PTPRN2: variants seen among roughly 807,000 people sequenced by gnomAD.
PTPRN2 encodes protein tyrosine phosphatase receptor type N2.
PTPRN2 carries 74 observed loss-of-function variants against 118.8 expected under a neutral mutation model. That is an observed-to-expected ratio of 0.62 (90% CI 0.52 to 0.76). The LOEUF (loss-of-function observed/expected upper bound fraction) is 0.76, where lower values mean the gene tolerates loss of function less well. Ranked by LOEUF, PTPRN2 falls within the 30% of genes least tolerant of loss-of-function variation. The probability of loss-of-function intolerance (pLI) is 0.00; values close to 1 mark genes in which losing one functional copy is unlikely to be tolerated. For synonymous variants in PTPRN2, 641 were observed against 608.0 expected (o/e 1.05, Z -0.80); for missense variants, 1,481 against 1,394.4 (o/e 1.06, Z -0.99).
chr7:158,292,288 G>A (rs1245503485), intron 3 of PTPRN2, among the ~76,000 whole-genome samples: 1 of 152,290 alleles, frequency 6.6e-6, no homozygotes, highest in South Asian at 2.1e-4. Flanking sequence ...CCTATTCCAG[G>A]ATGTTCAAAA....
chr7:158,280,036 C>G (rs1799313227), intron 3 of PTPRN2, among the ~76,000 whole-genome samples: 1 of 151,584 alleles, frequency 6.6e-6, no homozygotes, highest in South Asian at 2.1e-4. Flanking sequence ...CCCGCGGCGG[C>G]CCCCACGCCC....
rs568467887 is a variant in PTPRN2 at position 158,565,580 on chromosome 7, G to A, written c.112+21978C>T. Reference sequence around the variant, plus strand: ...GCAAACTTCCCGTCTGGGATCTGCAGGCTTCAACAACTGTCAAAGCACGGG... The same window carrying A: ...GCAAACTTCCCGTCTGGGATCTGCAAGCTTCAACAACTGTCAAAGCACGGG... On this transcript the variant is annotated intron_variant, in intron 1 of 22. Coordinates refer to ENST00000389418, the MANE Select transcript of PTPRN2 (RefSeq NM_002847.5). The surrounding 1 kb of genome is among the most constrained non-coding windows in gnomAD (Gnocchi z 4.6). Among the ~76,000 whole-genome samples, 8 of 152,290 alleles carry A rather than the reference G, an allele frequency of 5.3e-5. No homozygotes were observed. The East Asian group carries it at 1.2e-3, about 22-fold the overall frequency.
At chr7:158,584,154 A>G (rs796877293) in intron 1 of PTPRN2, among the ~76,000 whole-genome samples, 2 of 152,114 alleles carry the variant, frequency 1.3e-5, no homozygotes, top group Non-Finnish European at 2.9e-5. Flanking sequence ...CTCGAAGCAA[A>G]ATCTGCATGA....
intron 3 of PTPRN2, among the ~76,000 whole-genome samples, chr7:158,308,925 C>T (rs550808328): frequency 1.3e-5 from 2 of 151,944 alleles, no homozygotes; most frequent in East Asian, 3.9e-4. Context: ...GAAGCTGACT[C>T]AAGAAGAAAT....
intron 2 of PTPRN2, among the ~76,000 whole-genome samples, chr7:158,404,871 T>C (rs1586588451): frequency 4.2e-5 from 1 of 23,974 alleles, no homozygotes. Context: ...AGCCCCCAGC[T>C]CCCTGGCCTC....
At chr7:157,654,510 G>A (rs544830876) in intron 14 of PTPRN2, among the ~76,000 whole-genome samples, 1 of 152,306 alleles carries the variant, frequency 6.6e-6, no homozygotes, top group African/African-American at 2.4e-5. Flanking sequence ...GCCTGAGTGT[G>A]TTTCTCGTTT....
At chr7:157,926,731 G>C (rs943050048) in intron 11 of PTPRN2, among the ~76,000 whole-genome samples, 3 of 152,172 alleles carry the variant, frequency 2.0e-5, no homozygotes, top group Non-Finnish European at 4.4e-5. Flanking sequence ...TTTGCTTCCT[G>C]CTTAGACCTG....
intron 2 of PTPRN2, among the ~76,000 whole-genome samples, chr7:158,475,850 T>A (rs1331070729): frequency 6.6e-6 from 1 of 152,146 alleles, no homozygotes; most frequent in Non-Finnish European, 1.5e-5. Context: ...GGGAAGAAGT[T>A]TGGGAGTCAG....
chr7:158,195,545 G>C (rs73746423), intron 4 of PTPRN2, among the ~76,000 whole-genome samples: 1,912 of 150,686 alleles, frequency 0.013, 41 homozygotes, highest in African/African-American at 0.044. Flanking sequence ...TTCTGTTCCT[G>C]TCTCTCCCGC....
chr7:157,683,584 T>C lies in PTPRN2; in HGVS notation c.1789-647A>G, dbSNP rs535803940. ...CCACAACACTTGCCACCTATGCACC[T>C]ACGTATTTTTCCTTGAAAGGAGCTG... On this transcript the variant is annotated intron_variant, in intron 12 of 22. Transcript: ENST00000389418. Among the ~76,000 whole-genome samples the C allele has an allele frequency of 3.7e-4, 56 of 152,244 alleles. No individual in the cohort carries two copies. In the South Asian group the frequency reaches 9.6e-3, roughly 26 times the overall value.
At chr7:157,877,802 GTCT>G (rs1353705441) in intron 12 of PTPRN2, among the ~76,000 whole-genome samples, 1 of 152,156 alleles carries the variant, frequency 6.6e-6, no homozygotes, top group East Asian at 1.9e-4. Flanking sequence ...GCTCAGAGAC[GTCT>G]TCTTCAGAAA....
intron 1 of PTPRN2, among the ~76,000 whole-genome samples, chr7:158,578,372 T>G (rs148280457): frequency 0.01 from 1,582 of 151,516 alleles, 18 homozygotes; most frequent in Non-Finnish European, 0.018. Flanking sequence ...GAGGATCACT[T>G]GAGTCCAGGA....
intron 5 of PTPRN2, among the ~76,000 whole-genome samples, chr7:158,177,152 T>C (rs933592066): frequency 5.3e-5 from 8 of 152,326 alleles, no homozygotes; most frequent in Admixed American, 6.5e-5. Context: ...GACAGACGTA[T>C]CTTTAGCCTT....
chr7:158,522,236 G>A (rs1824212227), intron 1 of PTPRN2, among the ~76,000 whole-genome samples: 1 of 73,048 alleles, frequency 1.4e-5, no homozygotes. Context: ...TGGCTCAGGA[G>A]GGAGGTCCAC....
intron 2 of PTPRN2, among the ~76,000 whole-genome samples, chr7:158,324,321 G>A (rs1803299420): frequency 6.6e-6 from 1 of 152,200 alleles, no homozygotes; most frequent in Non-Finnish European, 1.5e-5. Context: ...GGACTAAAAG[G>A]ATGTTAGTGA....
chr7:158,171,296 TATATATACAC>T (rs1341310941), intron 5 of PTPRN2, among the ~76,000 whole-genome samples: 2,637 of 34,392 alleles, frequency 0.077, 175 homozygotes, highest in Non-Finnish European at 0.09. Context: ...TATACACACA[TATATATACAC>T]ACATATATAT....
chr7:157,838,120 C>T (rs959825862), intron 12 of PTPRN2, among the ~76,000 whole-genome samples: 8 of 149,344 alleles, frequency 5.4e-5, no homozygotes, highest in African/African-American at 2.0e-4. Context: ...ACTCCAGTTC[C>T]TCTCATAGTG....
intron 11 of PTPRN2, among the ~76,000 whole-genome samples, chr7:157,955,376 A>G (rs1476965907): frequency 6.6e-6 from 1 of 152,012 alleles, no homozygotes; most frequent in Non-Finnish European, 1.5e-5. Flanking sequence ...CCTATCTAGA[A>G]TGCTGAGCCG....
intron 11 of PTPRN2, among the ~76,000 whole-genome samples, chr7:158,035,661 CA>C (rs1299933999): frequency 6.6e-6 from 1 of 152,224 alleles, no homozygotes; most frequent in Admixed American, 6.5e-5. Context: ...GATGAAAACA[CA>C]AATGCCTCTC....
Sources: allele counts gnomAD v4.1 joint callset (sites outside exome capture counted in the v4.1 genomes callset), GRCh38; gene constraint gnomAD v4.1.1; non-coding constraint Gnocchi (gnomAD v3.1); transcripts MANE v1.5; gene names NCBI Gene and HGNC (gene_info 2026-07-23, HGNC 2026-07-21).